Variants in PLD5 observed in about 807,000 individuals in gnomAD.
PLD5 encodes the protein phospholipase D family member 5.
PLD5 carries 36 observed loss-of-function variants against 61.1 expected under a neutral mutation model. The ratio of observed to expected loss-of-function variants is 0.59; its 90% CI spans 0.45 to 0.78. The LOEUF (loss-of-function observed/expected upper bound fraction) is 0.78, where lower values mean the gene tolerates loss of function less well. Among genes scored for constraint, PLD5 ranks in the 30% least tolerant of loss-of-function variants. PLD5 has a pLI of 0.00. For synonymous variants in PLD5, 243 were observed against 242.8 expected (o/e 1.00, Z -0.01); for missense variants, 515 against 644.4 (o/e 0.80, Z 2.17).
At chr1:242,330,979 T>A (rs1266732165) in intron 2 of PLD5, among the ~76,000 whole-genome samples, 1 of 152,202 alleles carries the variant, frequency 6.6e-6, no homozygotes, top group African/African-American at 2.4e-5. Context: ...TTCCCCTTCT[T>A]ACCCCAAACC....
In PLD5 at chr1:242,418,413, G is replaced by A. The variant is rs368605261; in HGVS notation, c.190-70171C>T. 5.5e-4 allele frequency among the ~76,000 whole-genome samples: 84 copies of A among 152,294 alleles called. 4 individuals are homozygous for A. In the South Asian group the frequency reaches 0.017, roughly 30 times the overall value. On this transcript the variant is annotated intron_variant, in intron 1 of 9. Coordinates refer to ENST00000536534, the MANE Select transcript of PLD5 (RefSeq NM_001372062.1). ...TCTGAAGCTCAGGGGCAAGGTCTAA[G>A]CTAAAGGTAATAAATGTTGGAGTTG...
chr1:242,259,833 A>C lies in PLD5; in HGVS notation c.607+5504T>G, dbSNP rs373190479. Among the ~76,000 whole-genome samples the C allele has an allele frequency of 2.6e-5, 4 of 152,328 alleles. No individual in the cohort carries two copies. In the South Asian group the frequency reaches 8.3e-4, roughly 32 times the overall value. ...TGGTTTTGGTGGACAAATAATTCTT[A>C]ATTTTCAATTTAATTGCAACAGTAA... On this transcript the variant is annotated intron_variant, in intron 4 of 9. Coordinates refer to ENST00000536534, the MANE Select transcript of PLD5 (RefSeq NM_001372062.1).
chr1:242,378,094 C>G (rs1037397847), intron 1 of PLD5, among the ~76,000 whole-genome samples: 9 of 152,286 alleles, frequency 5.9e-5, no homozygotes, highest in Admixed American at 5.9e-4. Flanking sequence ...TTATTTGCAA[C>G]AGCCAAAATG....
At chr1:242,454,576 G>T (rs1200889235) in intron 1 of PLD5, among the ~76,000 whole-genome samples, 1 of 152,108 alleles carries the variant, frequency 6.6e-6, no homozygotes, top group Admixed American at 6.5e-5. Context: ...AAGAGACACA[G>T]GGGAAAACAT....
chr1:242,098,117 A>G (rs1030447742), intron 9 of PLD5, among the ~76,000 whole-genome samples: 4 of 152,106 alleles, frequency 2.6e-5, no homozygotes, highest in African/African-American at 9.7e-5. Flanking sequence ...GCCTTGCTAG[A>G]TTGGGGAAGT....
intron 1 of PLD5, among the ~76,000 whole-genome samples, chr1:242,459,192 GTA>G (rs1362149161): frequency 6.6e-6 from 1 of 152,152 alleles, no homozygotes; most frequent in African/African-American, 2.4e-5. Flanking sequence ...TCTAATTTTT[GTA>G]TAACTCCGTT....
chr1:242,373,251 T>C (rs1045607878), intron 1 of PLD5, among the ~76,000 whole-genome samples: 2 of 152,158 alleles, frequency 1.3e-5, no homozygotes, highest in African/African-American at 4.8e-5. Context: ...CACAATGAGA[T>C]ACCATCTCAT....
chr1:242,212,607 A>T (rs1320259895), intron 5 of PLD5, among the ~76,000 whole-genome samples: 1 of 152,090 alleles, frequency 6.6e-6, no homozygotes, highest in African/African-American at 2.4e-5. Flanking sequence ...AGCAGCCGCC[A>T]GGCAGCGGGG....
At chr1:242,301,764 A>AATTATTATTAT (rs776994103) in intron 2 of PLD5, among the ~76,000 whole-genome samples, 1 of 38,610 alleles carries the variant, frequency 2.6e-5, no homozygotes, top group African/African-American at 7.0e-5. Context: ...ATTTTTTAAA[A>AATTATTATTAT]CATTATTATT....
In PLD5 at chr1:242,083,831, T is replaced by C. The variant is rs1033500484; in HGVS notation, c.*6023A>G. ...AAGTAACATATAATTTCAACGTTTT[T>C]AATCCTGGGAATTGAGGTCATATTT... On this transcript the variant is annotated 3_prime_UTR_variant, in exon 10 of 10. Coordinates refer to ENST00000536534, the MANE Select transcript of PLD5 (RefSeq NM_001372062.1). 2 of 152,214 alleles carry C rather than the reference T, an allele frequency of 1.3e-5. No individual in the cohort carries two copies. Among genetic ancestry groups the C allele is most frequent in the Non-Finnish European group, 2.9e-5 (2 of 68,038 alleles). 9.4% of individuals were successfully genotyped at this position (152,214 alleles called of 1,614,324 possible). A position where few individuals can be genotyped will look rare whatever the true frequency, so the allele number is the denominator to read the frequency against.
In PLD5 at chr1:242,089,639, A is replaced by T. The variant is rs1286496079; in HGVS notation, c.*215T>A. 1 of 599,928 alleles carries T rather than the reference A, an allele frequency of 1.7e-6. No individual in the cohort carries two copies. The highest frequency in any genetic ancestry group is 2.8e-5 in the East Asian group (1 of 35,358). The allele number at this position is 599,928 out of a possible 1,614,324, so 37.2% of individuals were successfully genotyped here. ...AAACTAACTTCTACGCCAGAATGAC[A>T]TTCTCTGTCAGAGGTAACAAATACA... is the stretch of plus-strand genomic sequence containing the variant. On this transcript the variant is annotated 3_prime_UTR_variant, in exon 10 of 10. Transcript: ENST00000536534.
intron 5 of PLD5, among the ~76,000 whole-genome samples, chr1:242,127,401 C>T (rs1360490121): frequency 6.6e-6 from 1 of 152,154 alleles, no homozygotes; most frequent in Admixed American, 6.6e-5. Flanking sequence ...GGAGCCAACC[C>T]AAATGCCCAT....
chr1:242,256,774 CTATCTATCT>C lies in PLD5; in HGVS notation c.607+8554_607+8562del, dbSNP rs1673051402. Among the ~76,000 whole-genome samples the C allele has an allele frequency of 1.3e-5, 2 of 149,668 alleles. No individual in the cohort carries two copies. Among genetic ancestry groups the C allele is most frequent in the South Asian group, 2.1e-4 (1 of 4,808 alleles). On this transcript the variant is annotated intron_variant, in intron 4 of 9. Transcript: ENST00000536534. The surrounding 1 kb of genome is among the most constrained non-coding windows in gnomAD (Gnocchi z 5.7). The stretch of plus-strand genomic sequence containing the variant: ...TCTATCTATCTATCTATCTATCTAT[CTATCTATCT>C]ATCTATCTATCTATTAATATCTATC...
chr1:242,342,984 A>T (rs1408449546), intron 2 of PLD5, among the ~76,000 whole-genome samples: 1 of 152,226 alleles, frequency 6.6e-6, no homozygotes, highest in African/African-American at 2.4e-5. Context: ...TATAGGAGAC[A>T]TACTTTTTTA....
intron 2 of PLD5, among the ~76,000 whole-genome samples, chr1:242,308,255 T>C (rs1378989131): frequency 2.6e-5 from 4 of 152,110 alleles, no homozygotes; most frequent in Admixed American, 6.6e-5. Flanking sequence ...CTTGCAATTC[T>C]CTAATCTTGG....
chr1:242,233,189 T>TGAATGAAA (rs1553332329), intron 4 of PLD5, among the ~76,000 whole-genome samples: 3 of 151,714 alleles, frequency 2.0e-5, no homozygotes, highest in South Asian at 2.1e-4. Context: ...AATGAATGAA[T>TGAATGAAA]GAAATAAAAG....
intron 2 of PLD5, among the ~76,000 whole-genome samples, chr1:242,330,120 C>G (rs1298863111): frequency 6.6e-6 from 1 of 152,040 alleles, no homozygotes; most frequent in Non-Finnish European, 1.5e-5. Context: ...AATAAGCACC[C>G]AGGGGATTCT....
At chr1:242,525,860 G>C (rs1669433108), upstream of PLD5, among the ~76,000 whole-genome samples, 1 of 152,164 alleles carries the variant, frequency 6.6e-6, no homozygotes, top group Admixed American at 6.5e-5. Flanking sequence ...AAAAATAGTA[G>C]TTGAAATAAA....
rs145421549 is a variant in PLD5 at position 242,357,905 on chromosome 1, C to A, written c.190-9663G>T. On this transcript the variant is annotated intron_variant, in intron 1 of 9. Transcript: ENST00000536534. ...AGGCCTCAGTGGTGTCCCATAATTC[C>A]CACGGTCATACTTTATTCTTTTTCT... 1.4e-4 allele frequency among the ~76,000 whole-genome samples: 21 copies of A among 152,226 alleles called. 1 individual carries two copies. Among genetic ancestry groups the A allele is most frequent in the African/African-American group, 4.8e-4 (20 of 41,538 alleles).
Sources: allele counts gnomAD v4.1 joint callset (sites outside exome capture counted in the v4.1 genomes callset), GRCh38; gene constraint gnomAD v4.1.1; non-coding constraint Gnocchi (gnomAD v3.1); transcripts MANE v1.5; gene names NCBI Gene and HGNC (gene_info 2026-07-23, HGNC 2026-07-21).